MAF: variants seen among roughly 807,000 people sequenced by gnomAD.
MAF encodes the protein transcription factor Maf.
MAF carries 10 observed loss-of-function variants against 22.0 expected under a neutral mutation model. That is an observed-to-expected ratio of 0.45 (90% CI 0.28 to 0.77). The LOEUF (loss-of-function observed/expected upper bound fraction) is 0.77, where lower values mean the gene tolerates loss of function less well. Ranked by LOEUF, MAF falls within the 30% of genes least tolerant of loss-of-function variation. The pLI, the probability that MAF is intolerant of heterozygous loss-of-function variation, is 0.12. For missense variants in MAF, 544 were observed against 548.4 expected, an observed-to-expected ratio of 0.99 and a Z score of 0.08; for synonymous variants, 337 against 255.8, an observed-to-expected ratio of 1.32 and a Z score of -3.03.
the MAF span, among the ~76,000 whole-genome samples, chr16:79,250,108 A>G: frequency 4.6e-3 from 694 of 152,326 alleles, 11 homozygotes; most frequent in African/African-American, 0.016. Context: ...TTTAGAAGAC[A>G]TTGTTCTCAC....
the MAF span, among the ~76,000 whole-genome samples, chr16:79,375,162 T>G: frequency 3.0e-4 from 46 of 152,192 alleles, no homozygotes; most frequent in African/African-American, 1.1e-3. Flanking sequence ...AAAAAGTGGA[T>G]GGCTATTTTC....
the MAF span, among the ~76,000 whole-genome samples, chr16:79,501,752 T>C: frequency 6.6e-6 from 1 of 152,216 alleles, no homozygotes; most frequent in East Asian, 1.9e-4. Flanking sequence ...AAAAGCTGAC[T>C]TTGAAATCCC....
the MAF span, among the ~76,000 whole-genome samples, chr16:79,503,339 C>A: frequency 1.3e-5 from 2 of 152,102 alleles, no homozygotes; most frequent in African/African-American, 4.8e-5. Context: ...AAGCGACCAT[C>A]ATTTAGATAA....
the MAF span, among the ~76,000 whole-genome samples, chr16:79,406,336 G>T: frequency 6.6e-6 from 1 of 152,164 alleles, no homozygotes; most frequent in Non-Finnish European, 1.5e-5. Flanking sequence ...GTCTCTTTGG[G>T]CTGCTATACC....
the MAF span, among the ~76,000 whole-genome samples, chr16:79,291,286 G>T: frequency 5.3e-5 from 8 of 152,240 alleles, no homozygotes; most frequent in Non-Finnish European, 1.2e-4. Flanking sequence ...CTTCCTGTAG[G>T]TTTGGACAGT....
At chr16:79,304,409 G>T in the MAF span, among the ~76,000 whole-genome samples, 1 of 152,100 alleles carries the variant, frequency 6.6e-6, no homozygotes, top group Non-Finnish European at 1.5e-5. Flanking sequence ...TGTGGACTCT[G>T]GTTTTTAATC....
chr16:79,225,876 A>G, the MAF span, among the ~76,000 whole-genome samples: 1 of 152,228 alleles, frequency 6.6e-6, no homozygotes, highest in Non-Finnish European at 1.5e-5. Context: ...AAGTCAGGAA[A>G]GAACAGATGC....
chr16:79,436,124 C>T, the MAF span, among the ~76,000 whole-genome samples: 1 of 152,114 alleles, frequency 6.6e-6, no homozygotes, highest in South Asian at 2.1e-4. Context: ...GCTCTGTCAC[C>T]CAGGCTGGAG....
chr16:79,322,416 G>C, the MAF span, among the ~76,000 whole-genome samples: 1 of 152,094 alleles, frequency 6.6e-6, no homozygotes, highest in African/African-American at 2.4e-5. Context: ...TTCTTTTCTT[G>C]ATTATGCTTG....
chr16:79,552,215 C>G, the MAF span, among the ~76,000 whole-genome samples: 3 of 129,960 alleles, frequency 2.3e-5, no homozygotes, highest in African/African-American at 5.1e-5. Flanking sequence ...CTGCTGCTCT[C>G]TCTTCTTTTT....
chr16:79,543,350 G>C, the MAF span, among the ~76,000 whole-genome samples: 5 of 152,294 alleles, frequency 3.3e-5, no homozygotes, highest in South Asian at 8.3e-4. Context: ...CTGGTCAAGT[G>C]CCTCCTTCCC....
chr16:79,576,545 G>A, the MAF span, among the ~76,000 whole-genome samples: 2 of 150,866 alleles, frequency 1.3e-5, no homozygotes, highest in East Asian at 1.9e-4. Flanking sequence ...TTCAGGAGGA[G>A]TGCTATTTTT....
the MAF span, among the ~76,000 whole-genome samples, chr16:79,226,819 GC>G: frequency 3.9e-5 from 6 of 151,926 alleles, no homozygotes; most frequent in Non-Finnish European, 8.8e-5. Flanking sequence ...GACAAAATAT[GC>G]CAGTGCTTGT....
the MAF span, among the ~76,000 whole-genome samples, chr16:79,329,851 C>T: frequency 2.6e-5 from 4 of 152,018 alleles, no homozygotes; most frequent in Admixed American, 6.6e-5. Context: ...TCTTCCAACT[C>T]GATTATCTTT....
chr16:79,475,360 A>ATGTGTGTGTG, the MAF span, among the ~76,000 whole-genome samples: 1 of 89,806 alleles, frequency 1.1e-5, no homozygotes, highest in Non-Finnish European at 2.9e-5. Context: ...GTATGTATAT[A>ATGTGTGTGTG]TATGTGTGTG....
the MAF span, among the ~76,000 whole-genome samples, chr16:79,533,299 C>G: frequency 3.9e-5 from 6 of 152,150 alleles, no homozygotes; most frequent in Non-Finnish European, 7.3e-5. Flanking sequence ...ATCACTTTTC[C>G]AGATCCAAGG....
At chr16:79,360,234 C>G in the MAF span, among the ~76,000 whole-genome samples, 1 of 152,240 alleles carries the variant, frequency 6.6e-6, no homozygotes, top group East Asian at 1.9e-4. Flanking sequence ...CTTTTTGAAC[C>G]CCTTCCCCTC....
chr16:79,491,348 C>T, the MAF span, among the ~76,000 whole-genome samples: 1 of 152,132 alleles, frequency 6.6e-6, no homozygotes, highest in South Asian at 2.1e-4. Context: ...TGGATAGAAC[C>T]CTTGGTCTGC....
the MAF span, among the ~76,000 whole-genome samples, chr16:79,356,501 A>G: frequency 6.6e-6 from 1 of 152,044 alleles, no homozygotes; most frequent in African/African-American, 2.4e-5. Context: ...CGTGCCTTCC[A>G]TCTCCTCAAC....
Sources: allele counts gnomAD v4.1 joint callset (sites outside exome capture counted in the v4.1 genomes callset), GRCh38; gene constraint gnomAD v4.1.1; transcripts MANE v1.5; gene names NCBI Gene and HGNC (gene_info 2026-07-23, HGNC 2026-07-21).